The following BEAN1 variants were observed in gnomAD, a reference collection of about 807,000 sequenced individuals.
The protein encoded by BEAN1 is brain expressed associated with NEDD4 1.
BEAN1 carries 17 observed loss-of-function variants against 17.7 expected under a neutral mutation model. The observed-to-expected ratio is 0.96, with a 90% confidence interval of 0.66 to 1.44. BEAN1 has a LOEUF of 1.44. BEAN1 is among the 40% of genes most tolerant of loss of function. The probability of loss-of-function intolerance (pLI) is 0.00; values close to 1 mark genes in which losing one functional copy is unlikely to be tolerated. For synonymous variants in BEAN1, 142 were observed against 151.8 expected (o/e 0.94, Z 0.47); for missense variants, 359 against 374.1 (o/e 0.96, Z 0.33).
At chr16:66,449,765 C>T (rs1041808523) in intron 2 of BEAN1, among the ~76,000 whole-genome samples, 19 of 152,230 alleles carry the variant, frequency 1.2e-4, no homozygotes, top group South Asian at 2.1e-4. Context: ...ATTATACACA[C>T]GCAATATGTC....
At chr16:66,440,078 C>T (rs1166789200) in intron 2 of BEAN1, among the ~76,000 whole-genome samples, 3 of 151,636 alleles carry the variant, frequency 2.0e-5, no homozygotes, top group African/African-American at 7.3e-5. Context: ...TAAAACCATT[C>T]CATGGTTTCC....
At chr16:66,433,355 G>A (rs762926295) in intron 1 of BEAN1, among the ~76,000 whole-genome samples, 50 of 152,158 alleles carry the variant, frequency 3.3e-4, no homozygotes, top group African/African-American at 9.4e-4. Flanking sequence ...CAAGTAATCC[G>A]CCCTCTTTGG....
Position 66,481,425 on chromosome 16 carries a change from G to A in BEAN1, c.*500G>A, listed in dbSNP as rs1963983034. 2.5e-6 allele frequency: 1 copy of A among 395,924 alleles called. No individual in the cohort carries two copies. The highest frequency in any genetic ancestry group is 4.4e-5 in the Admixed American group (1 of 22,642). 24.5% of individuals were successfully genotyped at this position (395,924 alleles called of 1,614,324 possible). A position where few individuals can be genotyped will look rare whatever the true frequency, so the allele number is the denominator to read the frequency against. On this transcript the variant is annotated 3_prime_UTR_variant, in exon 5 of 5. Transcript: ENST00000536005. This position sits in a 1 kb window ranked among gnomAD's most constrained non-coding sequence, Gnocchi z 4.1. Reference sequence around the variant, plus strand: ...ACCCCAGGGCCAGCTTGTCCTCCTGGGAGGCGGGACAGGCCCCAGTGAGGT... The same window carrying A: ...ACCCCAGGGCCAGCTTGTCCTCCTGAGAGGCGGGACAGGCCCCAGTGAGGT...
Position 66,482,745 on chromosome 16 carries a change from C to T in BEAN1, c.*1820C>T. Reference sequence around the variant, plus strand: ...CTGAATAGCTTTTCTTGTTCCTGGACTAGGCAATGAATAAGCAACAATGTA... The same window carrying T: ...CTGAATAGCTTTTCTTGTTCCTGGATTAGGCAATGAATAAGCAACAATGTA... On this transcript the variant is annotated 3_prime_UTR_variant, in exon 5 of 5. Transcript: ENST00000536005. 1 of 401,994 alleles carries T rather than the reference C, an allele frequency of 2.5e-6. No individual in the cohort carries two copies. Among genetic ancestry groups the T allele is most frequent in the African/African-American group, 2.1e-5 (1 of 47,756 alleles). The allele number at this position is 401,994 out of a possible 1,614,324, so 24.9% of individuals were successfully genotyped here.
At chr16:66,494,117 G>C (rs558881007), downstream of BEAN1, among the ~76,000 whole-genome samples, 1 of 152,196 alleles carries the variant, frequency 6.6e-6, no homozygotes, top group Non-Finnish European at 1.5e-5. Context: ...GTGATCTCTC[G>C]CTAGTACAGG....
Position 66,445,198 on chromosome 16 carries a change from C to G in BEAN1, c.25+7497C>G, listed in dbSNP as rs115259862. 2.8e-3 allele frequency among the ~76,000 whole-genome samples: 428 copies of G among 152,074 alleles called. 1 individual carries two copies. The highest frequency in any genetic ancestry group is 9.9e-3 in the African/African-American group (410 of 41,488). ...GACAAAAAAAGCACAGTGAGGTGGCCGGGCGTGGTGGCTCACACCTGTAAT... is the reference window on the plus strand; with the variant it reads ...GACAAAAAAAGCACAGTGAGGTGGCGGGGCGTGGTGGCTCACACCTGTAAT... On this transcript the variant is annotated intron_variant, in intron 2 of 4. Transcript: ENST00000536005.
Position 66,471,926 on chromosome 16 carries a change from C to T in BEAN1, c.289+2061C>T, listed in dbSNP as rs1446637773. On this transcript the variant is annotated intron_variant, in intron 3 of 4. Transcript: ENST00000536005. The surrounding 1 kb of genome is among the most constrained non-coding windows in gnomAD (Gnocchi z 4.7). The stretch of plus-strand genomic sequence containing the variant: ...TCCCCTGCAAGAGAAACCCAGGTCC[C>T]CAAGCCCTGGAGGATGCCGGGTAGA... Among the ~76,000 whole-genome samples the T allele has an allele frequency of 1.3e-5, 2 of 152,214 alleles. No homozygotes were observed. Among genetic ancestry groups the T allele is most frequent in the Admixed American group, 6.5e-5 (1 of 15,290 alleles).
intron 3 of BEAN1, among the ~76,000 whole-genome samples, chr16:66,470,742 T>C (rs1022116904): frequency 3.3e-5 from 5 of 152,184 alleles, no homozygotes; most frequent in African/African-American, 9.7e-5. Context: ...GCCTGAACTT[T>C]TTACAGAACG....
At chr16:66,444,301 G>A (rs1007457556) in intron 2 of BEAN1, among the ~76,000 whole-genome samples, 1 of 152,132 alleles carries the variant, frequency 6.6e-6, no homozygotes, top group Non-Finnish European at 1.5e-5. Flanking sequence ...TCATAGAGAG[G>A]TCTCAAGCCC....
chr16:66,489,861 A>G (rs1467592116), intron 4 of BEAN1, among the ~76,000 whole-genome samples: 1 of 152,076 alleles, frequency 6.6e-6, no homozygotes, highest in East Asian at 1.9e-4. Flanking sequence ...GTAGAACTCC[A>G]ACTGGGATGC....
rs1447553479 is a variant in BEAN1, at chr16:66,481,333, G to A, written c.*408G>A. 4.0e-5 allele frequency: 16 copies of A among 399,268 alleles called. No homozygotes were observed. Among genetic ancestry groups the A allele is most frequent in the African/African-American group, 1.0e-4 (5 of 48,728 alleles). The allele number at this position is 399,268 out of a possible 1,614,324, so 24.7% of individuals were successfully genotyped here. ...CCCCTACCCTCGCCCAGCAAGCTGC[G>A]CCCAAATTCTATTCTGCCTCTGGAA... On this transcript the variant is annotated 3_prime_UTR_variant, in exon 5 of 5. Coordinates refer to ENST00000536005, the MANE Select transcript of BEAN1 (RefSeq NM_001178020.3). The surrounding 1 kb of genome is among the most constrained non-coding windows in gnomAD (Gnocchi z 4.1).
intron 2 of BEAN1, among the ~76,000 whole-genome samples, chr16:66,462,414 T>G (rs897054272): frequency 6.6e-6 from 1 of 152,184 alleles, no homozygotes; most frequent in Non-Finnish European, 1.5e-5. Flanking sequence ...CCAACTAAGT[T>G]TTCTGCAGTT....
In BEAN1 at chr16:66,473,377, G is replaced by A. The variant is rs1430652382; in HGVS notation, c.289+3512G>A. Among the ~76,000 whole-genome samples the A allele has an allele frequency of 2.6e-5, 4 of 152,176 alleles. No individual in the cohort carries two copies. The highest frequency in any genetic ancestry group is 1.3e-4 in the Admixed American group (2 of 15,284). ...GCCTCCCTGCCCCACTTCTGCACTC[G>A]GCTACAGCTTTGACACCTCCTGGGG... is the stretch of plus-strand genomic sequence containing the variant. On this transcript the variant is annotated intron_variant, in intron 3 of 4. Coordinates refer to ENST00000536005, the MANE Select transcript of BEAN1 (RefSeq NM_001178020.3). The surrounding 1 kb of genome is among the most constrained non-coding windows in gnomAD (Gnocchi z 4.5).
intron 2 of BEAN1, among the ~76,000 whole-genome samples, chr16:66,465,302 G>A (rs1963223802): frequency 6.6e-6 from 1 of 152,082 alleles, no homozygotes; most frequent in African/African-American, 2.4e-5. Context: ...CTAGTATTTT[G>A]TTGGGGATTT....
At chr16:66,446,288 G>T (rs896545871) in intron 2 of BEAN1, among the ~76,000 whole-genome samples, 3 of 152,182 alleles carry the variant, frequency 2.0e-5, no homozygotes, top group South Asian at 2.1e-4. Context: ...GATCAGATTT[G>T]AAGGTGAAAC....
At chr16:66,464,518 A>C (rs920126013) in intron 2 of BEAN1, among the ~76,000 whole-genome samples, 1 of 151,904 alleles carries the variant, frequency 6.6e-6, no homozygotes, top group African/African-American at 2.4e-5. Flanking sequence ...TTTTATTTGT[A>C]TTTTTAGTAG....
At chr16:66,435,410 T>G (rs1257906350) in intron 1 of BEAN1, among the ~76,000 whole-genome samples, 1 of 152,242 alleles carries the variant, frequency 6.6e-6, no homozygotes, top group Admixed American at 6.5e-5. Flanking sequence ...TTGGTGAATG[T>G]GAGCCACAGC....
At chr16:66,495,119 G>T (rs1036002863), downstream of BEAN1, among the ~76,000 whole-genome samples, 1 of 152,170 alleles carries the variant, frequency 6.6e-6, no homozygotes. Context: ...ACCAAGGGGG[G>T]GCCTCAGGCT....
At chr16:66,447,129 G>A (rs1006399882) in intron 2 of BEAN1, among the ~76,000 whole-genome samples, 1 of 152,192 alleles carries the variant, frequency 6.6e-6, no homozygotes, top group African/African-American at 2.4e-5. Context: ...GATTAGCTGA[G>A]CATGGTGGCA....
Sources: gnomAD v4.1 joint callset for allele counts (sites outside exome capture counted in the v4.1 genomes callset) on GRCh38, gnomAD v4.1.1 for gene constraint, Gnocchi (gnomAD v3.1) non-coding constraint, MANE v1.5 for transcripts, NCBI Gene and HGNC (gene_info 2026-07-23, HGNC 2026-07-21) for gene names.